Variants in CLVS1 observed in about 807,000 individuals in gnomAD.
The protein encoded by CLVS1 is clavesin-1.
In CLVS1, 10 loss-of-function variants were observed where a neutral mutation model predicts 33.1. The observed-to-expected ratio is 0.30, with a 90% CI of 0.19 to 0.51. The LOEUF is 0.51. CLVS1 is among the 20% of genes least tolerant of loss of function. The probability of loss-of-function intolerance (pLI) is 0.97; values close to 1 mark genes in which losing one functional copy is unlikely to be tolerated. For synonymous variants in CLVS1, 163 were observed against 166.1 expected (o/e 0.98, Z 0.14); for missense variants, 343 against 433.4 (o/e 0.79, Z 1.85).
intron 2 of CLVS1, among the ~76,000 whole-genome samples, chr8:61,329,220 T>C (rs1016185140): frequency 6.6e-6 from 1 of 151,990 alleles, no homozygotes; most frequent in East Asian, 1.9e-4. Context: ...TCTCTCTCTC[T>C]CTCTCTCTCA....
chr8:61,257,573 C>T (rs1809112170), intron 2 of CLVS1, among the ~76,000 whole-genome samples: 1 of 152,108 alleles, frequency 6.6e-6, no homozygotes. Context: ...AGAGCAAAGG[C>T]TGAAAAACCA....
intron 2 of CLVS1, among the ~76,000 whole-genome samples, chr8:61,257,085 C>T (rs1585727592): frequency 6.6e-6 from 1 of 152,154 alleles, no homozygotes; most frequent in East Asian, 1.9e-4. Context: ...TCGATCATAA[C>T]ACATACATTT....
the CLVS1 span, among the ~76,000 whole-genome samples, chr8:61,035,496 G>T: frequency 6.6e-6 from 1 of 152,154 alleles, no homozygotes. Context: ...CAATGGGCTG[G>T]GTTCTTGTGG....
rs151304219 is a variant in CLVS1 at position 61,237,972 on chromosome 8, C to A, written c.-151-61705C>A. On this transcript the variant is annotated intron_variant, in intron 2 of 2. Transcript: ENST00000522621. ...GCAGAACTGTGAATACTGAGGCATC[C>A]AAGCCGAGGCTGAATTAGCTAAAGA... Among the ~76,000 whole-genome samples the A allele has an allele frequency of 8.5e-5, 13 of 152,206 alleles. No individual in the cohort carries two copies. The East Asian group carries it at 2.5e-3, about 29-fold the overall frequency.
intron 2 of CLVS1, among the ~76,000 whole-genome samples, chr8:61,307,579 ATATTT>A (rs1366239837): frequency 6.6e-6 from 1 of 152,208 alleles, no homozygotes; most frequent in Non-Finnish European, 1.5e-5. Context: ...TTGTAATAAA[ATATTT>A]TAAAAACCCA....
At chr8:61,185,234 T>TG (rs1477764305) in intron 2 of CLVS1, among the ~76,000 whole-genome samples, 4 of 151,624 alleles carry the variant, frequency 2.6e-5, no homozygotes, top group African/African-American at 9.7e-5. Context: ...CGTTGACCCC[T>TG]GGGCTCAAGG....
intron 2 of CLVS1, among the ~76,000 whole-genome samples, chr8:61,262,026 A>AT (rs1421137078): frequency 1.1e-5 from 1 of 88,014 alleles, no homozygotes; most frequent in East Asian, 4.1e-4. Context: ...GTGTGTGTGT[A>AT]TTTTTTGGAG....
chr8:61,391,953 T>C (rs538939270), intron 3 of CLVS1, among the ~76,000 whole-genome samples: 126 of 152,314 alleles, frequency 8.3e-4, no homozygotes, highest in Middle Eastern at 3.4e-3. Context: ...TCAGAGCATG[T>C]TATCATTAAG....
intron 3 of CLVS1, among the ~76,000 whole-genome samples, chr8:61,380,467 C>T (rs1473967914): frequency 6.6e-6 from 1 of 152,088 alleles, no homozygotes; most frequent in African/African-American, 2.4e-5. Flanking sequence ...CCTTTTAGAG[C>T]AATGCTTTGA....
At chr8:61,191,590 T>A (rs1336973719) in intron 2 of CLVS1, among the ~76,000 whole-genome samples, 2 of 152,232 alleles carry the variant, frequency 1.3e-5, no homozygotes, top group Non-Finnish European at 2.9e-5. Flanking sequence ...AAATTGTCCC[T>A]GTTTGCAGAT....
intron 2 of CLVS1, among the ~76,000 whole-genome samples, chr8:61,151,735 C>T (rs1016139565): frequency 1.3e-5 from 2 of 152,336 alleles, no homozygotes; most frequent in East Asian, 3.9e-4. Flanking sequence ...GGGCCTTGCA[C>T]AGTGCCTAGC....
the CLVS1 span, chr8:60,965,305 G>T: frequency 1.3e-5 from 2 of 152,350 alleles, no homozygotes; most frequent in Non-Finnish European, 2.9e-5. Flanking sequence ...GGAGGGAAGT[G>T]AGGGGCACAC....
chr8:61,311,638 A>T lies in CLVS1; in HGVS notation c.455+11356A>T, dbSNP rs556287728. Among the ~76,000 whole-genome samples, 12 of 152,260 alleles carry T rather than the reference A, an allele frequency of 7.9e-5. No homozygotes were observed. The South Asian group carries it at 1.5e-3, about 18-fold the overall frequency. The stretch of plus-strand genomic sequence containing the variant: ...GGCTTGCAGTGAGGGGGCTGTACTG[A>T]CCTGGAGAACAAGGTTTTATTGACA... On this transcript the variant is annotated intron_variant, in intron 2 of 5. Transcript: ENST00000325897.
chr8:61,218,608 A>G (rs1408396054), intron 2 of CLVS1, among the ~76,000 whole-genome samples: 1 of 149,028 alleles, frequency 6.7e-6, no homozygotes, highest in Admixed American at 6.8e-5. Context: ...TATGTACTCC[A>G]TGAATATGTA....
intron 2 of CLVS1, among the ~76,000 whole-genome samples, chr8:61,340,012 A>AG (rs1811966119): frequency 6.6e-6 from 1 of 150,606 alleles, no homozygotes; most frequent in Non-Finnish European, 1.5e-5. Flanking sequence ...GAAAGGAAGA[A>AG]AAAGAAAGAA....
chr8:61,420,985 GAAACAAACAAAAATCAA>G (rs763920820), intron 3 of CLVS1, among the ~76,000 whole-genome samples: 7 of 152,112 alleles, frequency 4.6e-5, no homozygotes, highest in African/African-American at 1.7e-4. Context: ...AACAAACAAA[GAAACAAACAAAAATCAA>G]AAACAAACAA....
intron 2 of CLVS1, among the ~76,000 whole-genome samples, chr8:61,338,777 T>G (rs1181303548): frequency 2.0e-5 from 3 of 152,112 alleles, no homozygotes; most frequent in Non-Finnish European, 4.4e-5. Flanking sequence ...AACCTTCCCC[T>G]GCCCCCTGGC....
At chr8:60,979,311 T>A in the CLVS1 span, among the ~76,000 whole-genome samples, 1 of 152,242 alleles carries the variant, frequency 6.6e-6, no homozygotes, top group Non-Finnish European at 1.5e-5. Flanking sequence ...GCCCTCTGAA[T>A]TGAAGAGTCT....
chr8:61,421,647 A>T (rs1815670719), intron 3 of CLVS1, among the ~76,000 whole-genome samples: 1 of 152,218 alleles, frequency 6.6e-6, no homozygotes, highest in Non-Finnish European at 1.5e-5. Context: ...ACTCTGCCGG[A>T]TGTGGTGTCC....
Sources: gnomAD v4.1 joint callset for allele counts (sites outside exome capture counted in the v4.1 genomes callset) on GRCh38, gnomAD v4.1.1 for gene constraint, MANE v1.5 for transcripts, NCBI Gene and HGNC (gene_info 2026-07-23, HGNC 2026-07-21) for gene names.